Variants in UGT1A10 observed in about 807,000 individuals in gnomAD.
The protein encoded by UGT1A10 is UDP-glucuronosyltransferase 1A10.
UGT1A10 carries 49 observed loss-of-function variants against 45.8 expected under a neutral mutation model. That is an observed-to-expected ratio of 1.07 (90% CI 0.85 to 1.36). UGT1A10 has a LOEUF of 1.36. Ranked by LOEUF, UGT1A10 falls within the 40% of genes most tolerant of loss-of-function variation. The pLI, the probability that UGT1A10 is intolerant of heterozygous loss-of-function variation, is 0.00. For synonymous variants in UGT1A10, 284 were observed against 249.7 expected (o/e 1.14, Z -1.29); for missense variants, 745 against 668.6 (o/e 1.11, Z -1.26).
chr2:233,724,006 C>T (rs1270251219), intron 1 of UGT1A10, among the ~76,000 whole-genome samples: 22 of 69,754 alleles, frequency 3.2e-4, no homozygotes, highest in Admixed American at 5.0e-4. Flanking sequence ...TCCACAAAGC[C>T]GCCATTGTCA....
Position 233,636,803 on chromosome 2 carries a change from C to T in UGT1A10, c.281C>T (p.Ala94Val), listed in dbSNP as rs1198943277. 1.9e-6 allele frequency: 3 copies of T among 1,614,176 alleles called. No individual in the cohort carries two copies. Among genetic ancestry groups the T allele is most frequent in the Non-Finnish European group, 1.7e-6 (2 of 1,180,026 alleles). Residue 94 changes from alanine (A) to valine (V), a missense_variant, in exon 1 of 5, where the codon GCC becomes GTC. Transcript: ENST00000344644. ...EDQNREFMVFAHAQWKAQAQS... is the reference protein window; with the variant it reads ...EDQNREFMVFVHAQWKAQAQS... ...CAGAACCGGGAATTCATGGTTTTCG[C>T]CCATGCTCAATGGAAAGCACAGGCA... is the stretch of plus-strand genomic sequence containing the variant.
At chr2:233,685,277 C>T (rs1304210883) in intron 1 of UGT1A10, among the ~76,000 whole-genome samples, 1 of 152,148 alleles carries the variant, frequency 6.6e-6, no homozygotes, top group African/African-American at 2.4e-5. Flanking sequence ...AAGTGATCCG[C>T]CCGCCTCCGC....
intron 1 of UGT1A10, among the ~76,000 whole-genome samples, chr2:233,666,848 G>C (rs2074088066): frequency 7.1e-6 from 1 of 139,968 alleles, no homozygotes; most frequent in African/African-American, 2.7e-5. Context: ...ACCTTCCTGT[G>C]TCCATGTGTT....
intron 1 of UGT1A10, among the ~76,000 whole-genome samples, chr2:233,705,038 A>C (rs1020748374): frequency 6.6e-6 from 1 of 151,956 alleles, no homozygotes; most frequent in Non-Finnish European, 1.5e-5. Context: ...CGGGAGGCTG[A>C]GGCAGGAGAA....
intron 1 of UGT1A10, among the ~76,000 whole-genome samples, chr2:233,726,689 C>T (rs1298047788): frequency 2.0e-5 from 3 of 152,182 alleles, no homozygotes; most frequent in Non-Finnish European, 2.9e-5. Flanking sequence ...CCACCTGTAA[C>T]GGAACATATT....
intron 1 of UGT1A10, chr2:233,647,854 C>T (rs956235452): frequency 2.6e-5 from 34 of 1,283,288 alleles, no homozygotes; most frequent in Admixed American, 2.6e-4. Flanking sequence ...TTGGTTTTCT[C>T]CATTGTTTTT....
chr2:233,640,448 A>G (rs2073421157), intron 1 of UGT1A10, among the ~76,000 whole-genome samples: 1 of 152,144 alleles, frequency 6.6e-6, no homozygotes, highest in African/African-American at 2.4e-5. Flanking sequence ...TATCACACCT[A>G]ACACAATAAT....
At chr2:233,718,037 G>A (rs1268815456) in intron 1 of UGT1A10, 2 of 377,926 alleles carry the variant, frequency 5.3e-6, no homozygotes, top group Non-Finnish European at 1.0e-5. Context: ...CCTTTGGTGA[G>A]CAGGAGCTCC....
intron 1 of UGT1A10, among the ~76,000 whole-genome samples, chr2:233,752,050 A>C (rs1396714360): frequency 6.6e-6 from 1 of 152,244 alleles, no homozygotes; most frequent in Non-Finnish European, 1.5e-5. Context: ...TGTTGTGTGA[A>C]TGATTTCCCG....
At chr2:233,731,010 G>T (rs17868337) in intron 1 of UGT1A10, among the ~76,000 whole-genome samples, 1 of 152,138 alleles carries the variant, frequency 6.6e-6, no homozygotes, top group Admixed American at 6.5e-5. Flanking sequence ...CATGTACATC[G>T]TGAGAGAATC....
At chr2:233,674,784 C>G (rs2074295683) in intron 1 of UGT1A10, among the ~76,000 whole-genome samples, 1 of 152,110 alleles carries the variant, frequency 6.6e-6, no homozygotes, top group Non-Finnish European at 1.5e-5. Context: ...GCGGAGTTCT[C>G]ACAGAGGAAT....
chr2:233,744,013 C>G, intron 1 of UGT1A10: 1 of 1,057,576 alleles, frequency 9.5e-7, no homozygotes. Flanking sequence ...ACCTGGGCCG[C>G]CTGGAGAGAC....
chr2:233,713,281 C>G (rs763148643), intron 1 of UGT1A10: 16 of 1,614,240 alleles, frequency 9.9e-6, no homozygotes, highest in Non-Finnish European at 1.3e-5. Context: ...CTGGGTCACA[C>G]TCAATCGTTC....
chr2:233,760,219 C>T (rs2125980617), intron 1 of UGT1A10: 1 of 1,593,340 alleles, frequency 6.3e-7, no homozygotes, highest in Non-Finnish European at 8.5e-7. Flanking sequence ...CTTGGTGTAT[C>T]GATTGGTTTT....
chr2:233,663,367 C>T (rs80314220), intron 1 of UGT1A10, among the ~76,000 whole-genome samples: 6,420 of 152,214 alleles, frequency 0.042, 161 homozygotes, highest in Non-Finnish European at 0.061. Flanking sequence ...TCCAGTAATC[C>T]AGGAGTGCTG....
chr2:233,719,372 C>T lies in UGT1A10; in HGVS notation c.856-47662C>T, dbSNP rs374656877. 246 of 1,613,844 alleles carry T rather than the reference C, an allele frequency of 1.5e-4. No individual in the cohort carries two copies. In the Middle Eastern group the frequency reaches 2.5e-3, roughly 16 times the overall value. ...TTCCATGTGACTTAGACTTTAAGGG[C>T]ACACAGTGTCCAAATCCTTCCTCCT... is the stretch of plus-strand genomic sequence containing the variant. On this transcript the variant is annotated intron_variant, in intron 1 of 4. Coordinates refer to ENST00000344644, the MANE Select transcript of UGT1A10 (RefSeq NM_019075.4).
chr2:233,747,103 T>A, intron 1 of UGT1A10: 1 of 1,362,910 alleles, frequency 7.3e-7, no homozygotes, highest in Non-Finnish European at 1.0e-6. Flanking sequence ...TATCTTCCAA[T>A]TACATGATGA....
intron 1 of UGT1A10, among the ~76,000 whole-genome samples, chr2:233,705,801 AATT>A (rs1432798810): frequency 6.6e-6 from 1 of 152,156 alleles, no homozygotes; most frequent in Non-Finnish European, 1.5e-5. Context: ...CTTGTTCAAA[AATT>A]ATTAAGAATT....
At chr2:233,747,680 C>T (rs919271713) in intron 1 of UGT1A10, 69 of 1,607,988 alleles carry the variant, frequency 4.3e-5, no homozygotes, top group Non-Finnish European at 5.7e-5. Context: ...CAATTTACCT[C>T]TGTGGGGCAG....
Sources: allele counts gnomAD v4.1 joint callset (sites outside exome capture counted in the v4.1 genomes callset), GRCh38; gene constraint gnomAD v4.1.1; transcripts MANE v1.5; gene names NCBI Gene and HGNC (gene_info 2026-07-23, HGNC 2026-07-21).